Variants in APBB2 observed in about 807,000 individuals in gnomAD.
The protein encoded by APBB2 is amyloid beta precursor protein binding family B member 2.
APBB2 carries 38 observed loss-of-function variants against 82.5 expected under a neutral mutation model. The ratio of observed to expected loss-of-function variants is 0.46; its 90% CI spans 0.36 to 0.60. APBB2 has a LOEUF of 0.60. APBB2 is among the 20% of genes least tolerant of loss of function. APBB2 has a pLI of 0.00. For missense variants in APBB2, 772 were observed against 972.3 expected (o/e 0.79, Z 2.74); for synonymous variants, 341 against 368.2 (o/e 0.93, Z 0.85).
chr4:40,947,038 T>C (rs1468722091), intron 6 of APBB2, among the ~76,000 whole-genome samples: 1 of 152,218 alleles, frequency 6.6e-6, no homozygotes, highest in Admixed American at 6.5e-5. Flanking sequence ...GAGTGAAGCA[T>C]AATTAAATAA....
chr4:41,056,798 A>G (rs978304262), intron 4 of APBB2, among the ~76,000 whole-genome samples: 1 of 152,232 alleles, frequency 6.6e-6, no homozygotes, highest in Admixed American at 6.5e-5. Context: ...TGTGAGGATC[A>G]GTGATTTCAA....
intron 5 of APBB2, among the ~76,000 whole-genome samples, chr4:41,019,553 A>T (rs1020389241): frequency 2.0e-5 from 3 of 152,108 alleles, no homozygotes; most frequent in African/African-American, 7.2e-5. Context: ...TTAAAAAGGG[A>T]GACAACGTTC....
Position 40,832,448 on chromosome 4 carries a change from C to T in APBB2, c.1530-1871G>A, listed in dbSNP as rs544897660. On this transcript the variant is annotated intron_variant, in intron 12 of 17. Coordinates refer to ENST00000508593, the MANE Select transcript of APBB2 (RefSeq NM_004307.2). The surrounding 1 kb of genome is among the most constrained non-coding windows in gnomAD (Gnocchi z 4.8). ...CACACATGACCCCAACATTTCTCCT[C>T]CCAACCTACTCCTGCTTCCTCACGT... Among the ~76,000 whole-genome samples, 13 of 152,330 alleles carry T rather than the reference C, an allele frequency of 8.5e-5. No individual in the cohort carries two copies. The highest frequency in any genetic ancestry group is 2.9e-4 in the African/African-American group (12 of 41,580).
At chr4:40,927,082 T>C (rs1782803504) in intron 10 of APBB2, among the ~76,000 whole-genome samples, 3 of 152,204 alleles carry the variant, frequency 2.0e-5, no homozygotes, top group Non-Finnish European at 4.4e-5. Context: ...TCATTTGAAA[T>C]CTGAAATTTT....
At chr4:41,001,106 G>A (rs1278490611) in intron 6 of APBB2, among the ~76,000 whole-genome samples, 1 of 152,206 alleles carries the variant, frequency 6.6e-6, no homozygotes, top group East Asian at 1.9e-4. Context: ...GCCTCCATCA[G>A]TTCTTGAACT....
At chr4:40,858,568 G>T (rs569255120) in intron 12 of APBB2, among the ~76,000 whole-genome samples, 1 of 151,628 alleles carries the variant, frequency 6.6e-6, no homozygotes, top group Non-Finnish European at 1.5e-5. Context: ...CAGAAAATAG[G>T]AAATACACAT....
intron 12 of APBB2, among the ~76,000 whole-genome samples, chr4:40,836,233 T>C (rs181711585): frequency 6.6e-6 from 1 of 152,202 alleles, no homozygotes. Context: ...TCCCAGCATT[T>C]TGGGAGGCCA....
intron 1 of APBB2, among the ~76,000 whole-genome samples, chr4:41,208,061 A>C (rs1161263581): frequency 1.3e-5 from 2 of 152,210 alleles, no homozygotes; most frequent in Non-Finnish European, 2.9e-5. Flanking sequence ...CTCTGCATAT[A>C]GGAGATACTC....
intron 6 of APBB2, among the ~76,000 whole-genome samples, chr4:41,012,170 TTTAAAACTTAAC>T (rs869247031): frequency 3.9e-5 from 6 of 152,224 alleles, no homozygotes; most frequent in African/African-American, 1.4e-4. Flanking sequence ...TTTAGGTTAG[TTTAAAACTTAAC>T]TACAACAGAA....
chr4:40,894,097 G>C (rs1224074021), intron 10 of APBB2, among the ~76,000 whole-genome samples: 2 of 152,024 alleles, frequency 1.3e-5, no homozygotes, highest in Non-Finnish European at 2.9e-5. Context: ...GACCATCCCG[G>C]CTAACACGGT....
chr4:41,189,392 A>G (rs187351819), intron 1 of APBB2, among the ~76,000 whole-genome samples: 1 of 152,270 alleles, frequency 6.6e-6, no homozygotes, highest in Admixed American at 6.5e-5. Flanking sequence ...AGGGATAGGA[A>G]TGTTATCTAT....
At chr4:41,168,402 A>G (rs557414636) in intron 1 of APBB2, among the ~76,000 whole-genome samples, 4 of 151,892 alleles carry the variant, frequency 2.6e-5, no homozygotes, top group Non-Finnish European at 5.9e-5. Flanking sequence ...TCCTCAGACA[A>G]AGAGTCTCGC....
intron 12 of APBB2, among the ~76,000 whole-genome samples, chr4:40,838,657 T>TG (rs1214701067): frequency 6.6e-6 from 1 of 151,598 alleles, no homozygotes. Context: ...TTAGTGGAGA[T>TG]GGAGTTTCAC....
intron 12 of APBB2, among the ~76,000 whole-genome samples, chr4:40,866,588 T>C (rs188971110): frequency 1.4e-4 from 22 of 152,368 alleles, no homozygotes; most frequent in African/African-American, 4.8e-4. Flanking sequence ...GAGGCCGATA[T>C]AATTTTGATC....
intron 7 of APBB2, among the ~76,000 whole-genome samples, chr4:40,942,896 G>C (rs143708062): frequency 6.6e-6 from 1 of 152,330 alleles, no homozygotes; most frequent in Non-Finnish European, 1.5e-5. Flanking sequence ...AAAGGCTAAC[G>C]TGTTAATCAA....
intron 4 of APBB2, among the ~76,000 whole-genome samples, chr4:41,054,887 C>T (rs1159008660): frequency 1.3e-5 from 2 of 152,104 alleles, no homozygotes; most frequent in Non-Finnish European, 2.9e-5. Context: ...CTGCTCTCGC[C>T]ACCTCCCTGC....
At chr4:41,063,676 T>G (rs1476501954) in intron 4 of APBB2, among the ~76,000 whole-genome samples, 1 of 152,074 alleles carries the variant, frequency 6.6e-6, no homozygotes, top group African/African-American at 2.4e-5. Context: ...GTTCTAACTT[T>G]GCTTTCTTTT....
intron 4 of APBB2, among the ~76,000 whole-genome samples, chr4:41,058,757 C>G (rs1306949896): frequency 2.0e-5 from 3 of 152,136 alleles, no homozygotes; most frequent in Non-Finnish European, 4.4e-5. Context: ...ACAAAAATAT[C>G]TTAAAATTCT....
At chr4:40,907,499 T>C (rs915764950) in intron 10 of APBB2, among the ~76,000 whole-genome samples, 7 of 149,770 alleles carry the variant, frequency 4.7e-5, no homozygotes, top group African/African-American at 1.7e-4. Flanking sequence ...GCCTCCCAAG[T>C]AGCTGGGATT....
Sources: gnomAD v4.1 joint callset for allele counts (sites outside exome capture counted in the v4.1 genomes callset) on GRCh38, gnomAD v4.1.1 for gene constraint, Gnocchi (gnomAD v3.1) non-coding constraint, MANE v1.5 for transcripts, NCBI Gene and HGNC (gene_info 2026-07-23, HGNC 2026-07-21) for gene names.